The following NRXN1 variants were observed in gnomAD, a reference collection of about 807,000 sequenced individuals.
NRXN1 encodes neurexin-1.
Under a neutral mutation model 150.9 loss-of-function variants are expected in NRXN1, and 39 were observed. That is an observed-to-expected ratio of 0.26 (90% CI 0.20 to 0.34). NRXN1 has a LOEUF of 0.34. Among genes scored for constraint, NRXN1 ranks in the 10% least tolerant of loss-of-function variants. The probability of loss-of-function intolerance (pLI) is 1.00; values close to 1 mark genes in which losing one functional copy is unlikely to be tolerated. For missense variants in NRXN1, 1,815 were observed against 1,949.9 expected, an observed-to-expected ratio of 0.93 and a Z score of 1.30; for synonymous variants, 924 against 757.0, an observed-to-expected ratio of 1.22 and a Z score of -3.62.
intron 5 of NRXN1, among the ~76,000 whole-genome samples, chr2:50,652,285 A>G (rs892886438): frequency 6.6e-6 from 1 of 152,056 alleles, no homozygotes; most frequent in East Asian, 1.9e-4. Context: ...ATACAATTCA[A>G]TGAGTTTTGG....
At chr2:50,560,863 AAT>A (rs1668970601) in intron 8 of NRXN1, among the ~76,000 whole-genome samples, 1 of 152,180 alleles carries the variant, frequency 6.6e-6, no homozygotes. Flanking sequence ...TTTTCAATAA[AAT>A]ATGTTATCTT....
At chr2:50,320,397 G>C (rs1575073256) in intron 17 of NRXN1, among the ~76,000 whole-genome samples, 1 of 140,316 alleles carries the variant, frequency 7.1e-6, no homozygotes, top group African/African-American at 2.6e-5. Context: ...TAAAAAATAA[G>C]CATAGTATCT....
chr2:50,070,524 A>G (rs1031503738), intron 19 of NRXN1, among the ~76,000 whole-genome samples: 24 of 151,902 alleles, frequency 1.6e-4, no homozygotes, highest in African/African-American at 5.3e-4. Flanking sequence ...TAATCCCAGC[A>G]CTTTGGGAGG....
intron 5 of NRXN1, among the ~76,000 whole-genome samples, chr2:50,890,144 G>C (rs1680835227): frequency 6.6e-6 from 1 of 151,736 alleles, no homozygotes; most frequent in South Asian, 2.1e-4. Context: ...ATGCTTCTTT[G>C]TATTTAATAT....
chr2:50,304,660 T>C (rs2074449566), intron 17 of NRXN1, among the ~76,000 whole-genome samples: 1 of 149,606 alleles, frequency 6.7e-6, no homozygotes, highest in Admixed American at 6.7e-5. Context: ...TTAAAGTCTA[T>C]TTTTTGTTCC....
At chr2:49,990,927 CA>C (rs1007029489) in intron 21 of NRXN1, among the ~76,000 whole-genome samples, 1 of 152,060 alleles carries the variant, frequency 6.6e-6, no homozygotes, top group Non-Finnish European at 1.5e-5. Flanking sequence ...TAGCAAGGTA[CA>C]AAATACCCCA....
chr2:50,810,986 A>T (rs1364702812), intron 5 of NRXN1, among the ~76,000 whole-genome samples: 1 of 152,186 alleles, frequency 6.6e-6, no homozygotes, highest in Non-Finnish European at 1.5e-5. Flanking sequence ...CTCAAAAAAA[A>T]AAAAGTGTAT....
chr2:50,204,191 G>GC (rs2062395883), intron 18 of NRXN1, among the ~76,000 whole-genome samples: 4 of 152,056 alleles, frequency 2.6e-5, no homozygotes, highest in Non-Finnish European at 5.9e-5. Context: ...AAATTGTAGA[G>GC]CTGGGATAAT....
chr2:50,452,379 T>A (rs910846918), intron 17 of NRXN1, among the ~76,000 whole-genome samples: 1 of 152,072 alleles, frequency 6.6e-6, no homozygotes, highest in African/African-American at 2.4e-5. Flanking sequence ...ATAGTGACAA[T>A]GAATCACGGA....
At chr2:50,805,100 T>C (rs1258457605) in intron 5 of NRXN1, among the ~76,000 whole-genome samples, 1 of 152,148 alleles carries the variant, frequency 6.6e-6, no homozygotes, top group African/African-American at 2.4e-5. Flanking sequence ...ATTAGAACAA[T>C]GCCTGCCACA....
chr2:50,553,127 C>A (rs545898247), intron 8 of NRXN1, 102 bp from the exon 9 acceptor site: 1 of 819,146 alleles, frequency 1.2e-6, no homozygotes, highest in Non-Finnish European at 1.9e-6. Context: ...AAAAGGCACA[C>A]GATATTTAGT....
intron 2 of NRXN1, among the ~76,000 whole-genome samples, chr2:51,024,067 C>T (rs1299290079): frequency 1.3e-5 from 2 of 152,060 alleles, no homozygotes; most frequent in Admixed American, 6.6e-5. Flanking sequence ...ATTGATTATC[C>T]TTGTTATTCT....
chr2:50,906,772 C>T (rs1683745830), intron 5 of NRXN1, among the ~76,000 whole-genome samples: 1 of 152,004 alleles, frequency 6.6e-6, no homozygotes, highest in African/African-American at 2.4e-5. Context: ...TCTACCTATG[C>T]TAGACAAATA....
intron 5 of NRXN1, among the ~76,000 whole-genome samples, chr2:50,805,990 T>A (rs1217260194): frequency 6.6e-6 from 1 of 152,216 alleles, no homozygotes; most frequent in African/African-American, 2.4e-5. Flanking sequence ...GACATATTCA[T>A]CCTTTAAGTA....
chr2:50,236,795 C>T lies in NRXN1; in HGVS notation c.3540G>A (p.Leu1180=), dbSNP rs1281043090. ...SSSGLGDYLE[L]HIHQGKIGVK... ...TTATGCAAAAAGTACTTACTATATGCAGTTCTAGGTAGTCACCCAAGCCTG... is the reference window on the plus strand; with the variant it reads ...TTATGCAAAAAGTACTTACTATATGTAGTTCTAGGTAGTCACCCAAGCCTG... Residue 1180 remains leucine, a synonymous_variant, in exon 18 of 23, where the codon CTG becomes CTA. Transcript: ENST00000401669. The T allele has an allele frequency of 6.2e-7, 1 of 1,612,702 alleles. No homozygotes were observed. The highest frequency in any genetic ancestry group is 1.3e-5 in the African/African-American group (1 of 74,900).
chr2:49,975,531 G>GT (rs958473206), intron 21 of NRXN1, among the ~76,000 whole-genome samples: 9 of 151,994 alleles, frequency 5.9e-5, no homozygotes, highest in African/African-American at 1.9e-4. Context: ...ACCCTGTCAA[G>GT]TTTTTTTGCA....
At chr2:50,565,177 G>A (rs1267324382) in intron 8 of NRXN1, among the ~76,000 whole-genome samples, 3 of 151,968 alleles carry the variant, frequency 2.0e-5, no homozygotes, top group African/African-American at 4.8e-5. Flanking sequence ...GGGAAAATGC[G>A]TCATAACTTT....
intron 17 of NRXN1, among the ~76,000 whole-genome samples, chr2:50,330,150 T>C (rs2076742938): frequency 6.6e-6 from 1 of 152,072 alleles, no homozygotes; most frequent in African/African-American, 2.4e-5. Flanking sequence ...AAGGTTGCAA[T>C]ACAGTCTGCA....
intron 5 of NRXN1, among the ~76,000 whole-genome samples, chr2:50,778,361 A>G (rs1703925012): frequency 6.6e-6 from 1 of 152,234 alleles, no homozygotes; most frequent in Admixed American, 6.5e-5. Flanking sequence ...AATATAACAT[A>G]GTAATTGTTT....
Sources: gnomAD v4.1 joint callset for allele counts (sites outside exome capture counted in the v4.1 genomes callset) on GRCh38, gnomAD v4.1.1 for gene constraint, MANE v1.5 for transcripts, NCBI Gene and HGNC (gene_info 2026-07-23, HGNC 2026-07-21) for gene names.